Variants in CEP78 observed in about 807,000 individuals in gnomAD.
CEP78 encodes centrosomal protein 78.
Under a neutral mutation model 81.2 loss-of-function variants are expected in CEP78, and 76 were observed. The observed-to-expected ratio is 0.94, with a 90% CI of 0.78 to 1.13. CEP78 has a LOEUF of 1.13. Ranked by LOEUF, CEP78 falls within the 50% of genes most tolerant of loss-of-function variation. The pLI is 0.00. For synonymous variants in CEP78, 293 were observed against 301.4 expected (o/e 0.97, Z 0.29); for missense variants, 918 against 846.8 (o/e 1.08, Z -1.04).
chr9:78,252,147 TA>T, intron 9 of CEP78, 104 bp downstream of exon 9: 1 of 987,366 alleles, frequency 1.0e-6, no homozygotes, highest in Non-Finnish European at 1.4e-6. Flanking sequence ...GTCTGTAGGG[TA>T]AAAATGACTC....
chr9:78,248,526 C>T (rs370066713), intron 7 of CEP78, among the ~76,000 whole-genome samples, 171 bp downstream of exon 7: 3 of 152,080 alleles, frequency 2.0e-5, no homozygotes, highest in South Asian at 2.1e-4. Context: ...CCCAGCTTTT[C>T]GTCTGTTTTT....
rs1825917800 is a variant in CEP78 at position 78,236,193 on chromosome 9, T to G, written c.-158T>G. ...GCCGGCCTAGCTTGGGGCTCTGGCCTTGCGTCTTCCGACCGAATCACCGCT... is the reference window on the plus strand; with the variant it reads ...GCCGGCCTAGCTTGGGGCTCTGGCCGTGCGTCTTCCGACCGAATCACCGCT... On this transcript the variant is annotated 5_prime_UTR_variant, in exon 1 of 17. Transcript: ENST00000643273. 1.5e-6 allele frequency: 1 copy of G among 649,952 alleles called. No homozygotes were observed. The highest frequency in any genetic ancestry group is 3.1e-5 in the Admixed American group (1 of 31,758). The allele number at this position is 649,952 out of a possible 1,614,324, so 40.3% of individuals were successfully genotyped here.
chr9:78,237,277 G>A (rs1282808872), intron 1 of CEP78, among the ~76,000 whole-genome samples: 1 of 151,904 alleles, frequency 6.6e-6, no homozygotes, highest in Non-Finnish European at 1.5e-5. Context: ...CACCGCGCCC[G>A]GCCTGTCTTC....
Position 78,276,578 on chromosome 9 carries a change from A to C in CEP78, c.*5727A>C, listed in dbSNP as rs1270985039. 2.6e-5 allele frequency: 4 copies of C among 151,944 alleles called. No homozygotes were observed. The highest frequency in any genetic ancestry group is 4.4e-5 in the Non-Finnish European group (3 of 67,990). 9.4% of individuals were successfully genotyped at this position (151,944 alleles called of 1,614,324 possible). ...TTACAGCTAATAAAGCTGAATAAGG[A>C]GGCTGTGCACAACACCAACACACCG... On this transcript the variant is annotated 3_prime_UTR_variant, in exon 17 of 17. Transcript: ENST00000643273.
Position 78,246,785 on chromosome 9 carries a change from A to C in CEP78, c.892+3A>C, listed in dbSNP as rs2118221617. On this transcript the variant is annotated splice_donor_region_variant and intron_variant, in intron 6 of 16. Coordinates refer to ENST00000643273, the MANE Select transcript of CEP78 (RefSeq NM_001330691.3). ...TATAAGAAAAAATCCACTCATTGGT[A>C]TGTCGCTACAATATTTTTTATTGAC... 6.7e-7 allele frequency: 1 copy of C among 1,482,784 alleles called. No homozygotes were observed. The highest frequency in any genetic ancestry group is 9.3e-7 in the Non-Finnish European group (1 of 1,079,402). The allele number at this position is 1,482,784 out of a possible 1,614,324, so 91.9% of individuals were successfully genotyped here. A position where few individuals can be genotyped will look rare whatever the true frequency, so the allele number is the denominator to read the frequency against.
At position 78,264,344 on chromosome 9, in the gene CEP78, G is replaced by A. The variant is rs147355880; in HGVS notation, c.1625+28G>A. 1,018 of 1,602,544 alleles carry A rather than the reference G, an allele frequency of 6.4e-4. 1 individual carries two copies. The highest frequency in any genetic ancestry group is 7.3e-4 in the Non-Finnish European group (859 of 1,171,570). On this transcript the variant is annotated intron_variant, in intron 13 of 16. Coordinates refer to ENST00000643273, the MANE Select transcript of CEP78 (RefSeq NM_001330691.3). Reference sequence around the variant, plus strand: ...TAGTTACTTTCTCCCTATGACATTCGTCCCTCCATGACTTTAATGGTGTTT... The same window carrying A: ...TAGTTACTTTCTCCCTATGACATTCATCCCTCCATGACTTTAATGGTGTTT...
At chr9:78,251,292 A>G (rs114298353) in intron 8 of CEP78, among the ~76,000 whole-genome samples, 2,499 of 152,324 alleles carry the variant, frequency 0.016, 70 homozygotes, top group African/African-American at 0.057. Context: ...AGGCGGCAAC[A>G]TTGGCTCACC....
chr9:78,240,583 T>C (rs1826180359), intron 3 of CEP78, among the ~76,000 whole-genome samples: 1 of 152,182 alleles, frequency 6.6e-6, no homozygotes, highest in South Asian at 2.1e-4. Context: ...CACACAAATA[T>C]ATACCATCTG....
Position 78,264,248 on chromosome 9 carries a change from T to G in CEP78, c.1557T>G (p.Gly519=), listed in dbSNP as rs1415980415. The G allele has an allele frequency of 1.2e-6, 2 of 1,611,136 alleles. No homozygotes were observed. The highest frequency in any genetic ancestry group is 2.2e-5 in the East Asian group (1 of 44,616). Residue 519 remains glycine (G), a synonymous_variant, in exon 13 of 17, where the codon GGT becomes GGG. Transcript: ENST00000643273. ...SLTNMILDDE[G]VLGSIENSFQ... is the part of the protein sequence containing the mutation. The stretch of plus-strand genomic sequence containing the variant: ...CAAATATGATCCTGGATGATGAAGG[T>G]GTTTTGGGCAGCATTGAGAATTCTT...
rs978258257 is a variant in CEP78, at chr9:78,252,063, T to C, written c.1205+20T>C. ...ACACAGGTAGGGTATTTTTATTTCC[T>C]ATCTTTTAGGATAAAAATGGGATTC... On this transcript the variant is annotated intron_variant, in intron 9 of 16. Transcript: ENST00000643273. 1.9e-6 allele frequency: 3 copies of C among 1,552,692 alleles called. No homozygotes were observed. The highest frequency in any genetic ancestry group is 8.8e-7 in the Non-Finnish European group (1 of 1,138,308).
chr9:78,260,881 G>A (rs1243988423), intron 11 of CEP78, among the ~76,000 whole-genome samples: 1 of 152,006 alleles, frequency 6.6e-6, no homozygotes, highest in East Asian at 1.9e-4. Context: ...CCCCACAGTT[G>A]ACCTGTGGAA....
intron 11 of CEP78, 137 bp downstream of exon 11, chr9:78,255,101 A>G (rs1350924215): frequency 8.8e-6 from 5 of 566,814 alleles, no homozygotes; most frequent in Non-Finnish European, 1.5e-5. Flanking sequence ...TATCCCTTGA[A>G]TGGTTCTTTA....
chr9:78,261,045 G>T (rs1231646765), intron 11 of CEP78, among the ~76,000 whole-genome samples: 3 of 151,986 alleles, frequency 2.0e-5, no homozygotes, highest in Non-Finnish European at 4.4e-5. Flanking sequence ...CTGCCTCCCG[G>T]GTTCAAGTGA....
rs1827731306 is a variant in CEP78 at position 78,273,215 on chromosome 9, A to G, written c.*2364A>G. 6.6e-6 allele frequency: 1 copy of G among 152,244 alleles called. No individual in the cohort carries two copies. Among genetic ancestry groups the G allele is most frequent in the Non-Finnish European group, 1.5e-5 (1 of 68,044 alleles). The allele number at this position is 152,244 out of a possible 1,614,324, so 9.4% of individuals were successfully genotyped here. A position where few individuals can be genotyped will look rare whatever the true frequency, so the allele number is the denominator to read the frequency against. On this transcript the variant is annotated 3_prime_UTR_variant, in exon 17 of 17. Transcript: ENST00000643273. ...GGAATCCTTAGGCTTGAGTAAAAAC[A>G]TGAAATCCCACTGTGTGCTATTTGC...
intron 13 of CEP78, among the ~76,000 whole-genome samples, chr9:78,265,118 A>C (rs1377234938): frequency 6.6e-6 from 1 of 152,210 alleles, no homozygotes; most frequent in Non-Finnish European, 1.5e-5. Flanking sequence ...AAGGAAATGA[A>C]GTCAAGAGGT....
At position 78,266,660 on chromosome 9, in the gene CEP78, G is replaced by A. The variant is rs192270589; in HGVS notation, c.2064G>A (p.Leu688=). Residue 688 remains leucine (L), a synonymous_variant, in exon 16 of 17, where the codon TTG becomes TTA. Coordinates refer to ENST00000643273, the MANE Select transcript of CEP78 (RefSeq NM_001330691.3). ...GAAGTCAAAGAAAAGAAGAGGAGTT[G>A]TCCAGAAATAGCAGATCTTCTTCAG... ...GTGSQRKEEE[L]SRNSRSSSEK... The A allele has an allele frequency of 3.1e-5, 50 of 1,612,198 alleles. 1 individual carries two copies. In the East Asian group the frequency reaches 1.0e-3, roughly 33 times the overall value.
At chr9:78,249,995 A>G (rs1486095021) in intron 8 of CEP78, 1 of 314,542 alleles carries the variant, frequency 3.2e-6, no homozygotes, top group East Asian at 4.9e-5. Context: ...CACTTGACTT[A>G]ATATCACTGA....
intron 6 of CEP78, 32 bp from the exon 7 acceptor site, chr9:78,248,259 T>C: frequency 8.4e-7 from 1 of 1,190,588 alleles, no homozygotes; most frequent in Non-Finnish European, 1.2e-6. Flanking sequence ...TGGGAAATAA[T>C]TACTATAATT....
rs549492461 is a variant in CEP78, at chr9:78,236,233, G to T, written c.-118G>T. ...GAATCACCGCTCCTGAGCCCGGTGC[G>T]GGGCTGCCGCTATCGCCTGGCCGTG... is the stretch of plus-strand genomic sequence containing the variant. On this transcript the variant is annotated 5_prime_UTR_variant, in exon 1 of 17. Transcript: ENST00000643273. The T allele has an allele frequency of 2.3e-6, 2 of 880,470 alleles. No individual in the cohort carries two copies. Among genetic ancestry groups the T allele is most frequent in the Non-Finnish European group, 3.4e-6 (2 of 594,076 alleles). 54.5% of individuals were successfully genotyped at this position (880,470 alleles called of 1,614,324 possible).
Sources: gnomAD v4.1 joint callset for allele counts (sites outside exome capture counted in the v4.1 genomes callset) on GRCh38, gnomAD v4.1.1 for gene constraint, MANE v1.5 for transcripts, NCBI Gene and HGNC (gene_info 2026-07-23, HGNC 2026-07-21) for gene names.